KRT24: variants seen among roughly 807,000 people sequenced by gnomAD.
The protein encoded by KRT24 is keratin 24.
Under a neutral mutation model 51.7 loss-of-function variants are expected in KRT24, and 44 were observed. The observed-to-expected ratio is 0.85, with a 90% CI of 0.67 to 1.09. The LOEUF (loss-of-function observed/expected upper bound fraction) is 1.09. KRT24 is among the 50% of genes least tolerant of loss of function. The pLI is 0.00. For missense variants in KRT24, 633 were observed against 647.0 expected, an observed-to-expected ratio of 0.98 and a Z score of 0.24; for synonymous variants, 241 against 249.5, an observed-to-expected ratio of 0.97 and a Z score of 0.32.
intron 6 of KRT24, among the ~76,000 whole-genome samples, chr17:40,699,147 G>T (rs2037643610): frequency 6.6e-6 from 1 of 152,158 alleles, no homozygotes; most frequent in Non-Finnish European, 1.5e-5. Context: ...AAAGTGCCGG[G>T]ATTACAGGCA....
chr17:40,701,360 C>T (rs186535330), intron 2 of KRT24, 64 bp from the exon 3 acceptor site: 298 of 1,383,012 alleles, frequency 2.2e-4, no homozygotes, highest in Admixed American at 1.2e-3. Context: ...TCAAAGGGTA[C>T]CTTCCATTCT....
At position 40,700,286 on chromosome 17, in the gene KRT24, C is replaced by T; in HGVS notation, c.953G>A (p.Arg318Lys). 6.2e-7 allele frequency: 1 copy of T among 1,614,138 alleles called. No individual in the cohort carries two copies. The highest frequency in any genetic ancestry group is 2.2e-5 in the East Asian group (1 of 44,880). The change falls in exon 4 of 8, where the codon AGG becomes AAG. Residue 318 changes from arginine (R) to lysine (K), a missense_variant. Arg to Lys is a conservative substitution (Grantham distance 26). Coordinates refer to ENST00000264651, the MANE Select transcript of KRT24 (RefSeq NM_019016.3). ...TDLTKLLNDM[R>K]AQYEELAEQN... ...CTCAGCCAGCTCCTCGTACTGCGCC[C>T]TCATGTCATTCAGTAATTTGGTCAG...
chr17:40,700,254 G>A lies in KRT24; in HGVS notation c.985C>T (p.Arg329Cys), dbSNP rs961667164. The A allele has an allele frequency of 2.0e-5, 33 of 1,613,996 alleles. No individual in the cohort carries two copies. Among genetic ancestry groups the A allele is most frequent in the Admixed American group, 5.0e-5 (3 of 60,002 alleles). ...TTGAACCGCTCCTCAGCCTCTCGGC[G>A]GTTTTGCTCAGCCAGCTCCTCGTAC... ...AQYEELAEQN[R>C]REAEERFNKQ... The change falls in exon 4 of 8, where the codon CGC (arginine) becomes TGC (cysteine). Residue 329 changes from arginine (R) to cysteine (C), a missense_variant. Coordinates refer to ENST00000264651, the MANE Select transcript of KRT24 (RefSeq NM_019016.3).
chr17:40,701,145 C>T lies in KRT24; in HGVS notation c.850G>A (p.Glu284Lys), dbSNP rs775417089. ...TATGTAGAACATGTTCCTACCTCCT[C>T]GTGGTTCTTCCTCAGGTAGGCTAGC... ...EELAYLRKNHEEEMKNMQGSS... is the reference protein window; with the variant it reads ...EELAYLRKNHKEEMKNMQGSS... The change falls in exon 3 of 8, where the codon GAG (glutamate) becomes AAG (lysine). Residue 284 changes from glutamate (E) to lysine (K), a missense_variant. Coordinates refer to ENST00000264651, the MANE Select transcript of KRT24 (RefSeq NM_019016.3). 1.1e-5 allele frequency: 17 copies of T among 1,613,722 alleles called. No individual in the cohort carries two copies. The highest frequency in any genetic ancestry group is 3.3e-5 in the Admixed American group (2 of 59,988).
At position 40,701,851 on chromosome 17, in the gene KRT24, T is replaced by C. The variant is rs748501287; in HGVS notation, c.698A>G (p.Lys233Arg). The change falls in exon 2 of 8, where the codon AAG becomes AGG. Residue 233 changes from lysine (K) to arginine (R), a missense_variant and splice_region_variant. Transcript: ENST00000264651. ...GTTTTCAAGTCTTTATGTTTCTTAC[T>C]TCAGTCTGAAGTCATCAGCAGCCAA... is the stretch of plus-strand genomic sequence containing the variant. ...ARLAADDFRL[K>R]YENELCLRQS... The C allele has an allele frequency of 1.5e-5, 21 of 1,381,286 alleles. No homozygotes were observed. The Admixed American group carries it at 4.3e-4, about 28-fold the overall frequency. 85.6% of individuals were successfully genotyped at this position (1,381,286 alleles called of 1,614,324 possible).
chr17:40,700,157 G>A (rs1567862185), intron 4 of KRT24, 34 bp from the exon 5 acceptor site: 1 of 1,614,064 alleles, frequency 6.2e-7, no homozygotes, highest in South Asian at 1.1e-5. Context: ...GTTGTAGGCT[G>A]ATGAAAGGAG....
rs1168868880 is a variant in KRT24 at position 40,699,428 on chromosome 17, C to T, written c.1361+16G>A. Reference sequence around the variant, plus strand: ...ACTAAGGTATGCATTTTAGTTTGTTCATGACTTTGGTTTACCCTCCCTCTC... The same window carrying T: ...ACTAAGGTATGCATTTTAGTTTGTTTATGACTTTGGTTTACCCTCCCTCTC... On this transcript the variant is annotated intron_variant, in intron 6 of 7. Transcript: ENST00000264651. 1 of 1,607,556 alleles carries T rather than the reference C, an allele frequency of 6.2e-7. No homozygotes were observed. The highest frequency in any genetic ancestry group is 8.5e-7 in the Non-Finnish European group (1 of 1,174,100).
intron 2 of KRT24, 22 bp from the exon 3 acceptor site, chr17:40,701,318 CA>C (rs758183429): frequency 1.9e-6 from 3 of 1,598,344 alleles, no homozygotes; most frequent in Non-Finnish European, 8.5e-7. Context: ...AGCAGTAAGG[CA>C]AAAAATACTG....
chr17:40,699,537 C>T lies in KRT24; in HGVS notation c.1268G>A (p.Cys423Tyr), dbSNP rs1352437207. 6.2e-7 allele frequency: 1 copy of T among 1,613,964 alleles called. No homozygotes were observed. Among genetic ancestry groups the T allele is most frequent in the African/African-American group, 1.3e-5 (1 of 75,040 alleles). Residue 423 changes from cysteine (C) to tyrosine (Y), a missense_variant, in exon 6 of 8, where the codon TGC (cysteine) becomes TAC (tyrosine). Cys to Tyr is a radical substitution (Grantham distance 194). Coordinates refer to ENST00000264651, the MANE Select transcript of KRT24 (RefSeq NM_019016.3). ...EICQIWGETK[C>Y]QNAEYKQLLD... is the part of the protein sequence containing the mutation. ...CAATTGCTTGTACTCTGCGTTCTGG[C>T]ATTTAGTCTCACCCCAGATCTGGCA...
intron 2 of KRT24, 31 bp downstream of exon 2, chr17:40,701,820 A>C (rs1033180516): frequency 2.2e-6 from 2 of 891,554 alleles, no homozygotes; most frequent in African/African-American, 3.6e-5. Flanking sequence ...TTCTCCCGTA[A>C]CACTTGTTTT....
At chr17:40,702,209 G>A (rs144081472) in intron 1 of KRT24, among the ~76,000 whole-genome samples, 169 of 151,830 alleles carry the variant, frequency 1.1e-3, no homozygotes, top group Middle Eastern at 6.8e-3. Context: ...TTTTTTTTGT[G>A]TGTGTGTTTT....
intron 3 of KRT24, 48 bp from the exon 4 acceptor site, chr17:40,700,431 G>A: frequency 1.4e-6 from 2 of 1,461,978 alleles, no homozygotes; most frequent in South Asian, 1.2e-5. Flanking sequence ...GAAAAGTGAT[G>A]ACTTCCGAAA....
chr17:40,700,427 T>C (rs60488918), intron 3 of KRT24, 44 bp from the exon 4 acceptor site: 15,647 of 1,492,020 alleles, frequency 0.01, 134 homozygotes, highest in African/African-American at 0.032. Flanking sequence ...AACAGAAAAG[T>C]GATGACTTCC....
intron 3 of KRT24, 126 bp downstream of exon 3, chr17:40,701,014 C>T (rs986396214): frequency 4.1e-5 from 35 of 860,170 alleles, no homozygotes; most frequent in Non-Finnish European, 5.7e-5. Flanking sequence ...CCCCCTGCCT[C>T]GGCCTCCAGA....
chr17:40,700,482 AGG>A, intron 3 of KRT24, 99 bp from the exon 4 acceptor site: 2 of 834,680 alleles, frequency 2.4e-6, no homozygotes, highest in African/African-American at 3.5e-5. Context: ...GGACACTGAA[AGG>A]AAAAAAAAAA....
intron 1 of KRT24, 59 bp from the exon 2 acceptor site, chr17:40,701,992 C>A: frequency 1.2e-6 from 1 of 859,772 alleles, no homozygotes; most frequent in Non-Finnish European, 1.8e-6. Context: ...TGTCTGCATG[C>A]CTACTTGTAA....
chr17:40,703,511 C>G lies in KRT24; in HGVS notation c.183G>C (p.Gly61=), dbSNP rs149314068. The G allele has an allele frequency of 7.4e-7, 1 of 1,351,432 alleles. No individual in the cohort carries two copies. The highest frequency in any genetic ancestry group is 2.0e-5 in the Admixed American group (1 of 48,930). The allele number at this position is 1,351,432 out of a possible 1,614,324, so 83.7% of individuals were successfully genotyped here. The change falls in exon 1 of 8, where the codon GGG becomes GGC. Residue 61 remains glycine, a synonymous_variant. Coordinates refer to ENST00000264651, the MANE Select transcript of KRT24 (RefSeq NM_019016.3). ...TACCAAAGCCCCCTCCAAAGCTGCC[C>G]CCAAAAGCACCGCTAGACCCCCCAC... The part of the protein sequence containing the change: ...SLSGGSSGAF[G]GSFGGGFGSC...
In KRT24 at chr17:40,698,615, G is replaced by A; in HGVS notation, c.1397C>T (p.Ser466Leu). Residue 466 changes from serine (S) to leucine (L), a missense_variant, in exon 7 of 8, where the codon TCA (serine) becomes TTA (leucine). Transcript: ENST00000264651. ...SSFAEFGGRNSGSVNMGSRDL... is the reference protein window; with the variant it reads ...SSFAEFGGRNLGSVNMGSRDL... Reference sequence around the variant, plus strand: ...CCTGGATCCCATGTTTACAGATCCTGAGTTTCTACCACCAAATTCTGCAAA... The same window carrying A: ...CCTGGATCCCATGTTTACAGATCCTAAGTTTCTACCACCAAATTCTGCAAA... 1 of 1,610,654 alleles carries A rather than the reference G, an allele frequency of 6.2e-7. No individual in the cohort carries two copies. Among genetic ancestry groups the A allele is most frequent in the South Asian group, 1.1e-5 (1 of 90,940 alleles).
chr17:40,699,327 G>T, intron 6 of KRT24, 117 bp downstream of exon 6: 2 of 792,534 alleles, frequency 2.5e-6, no homozygotes, highest in Non-Finnish European at 4.3e-6. Flanking sequence ...CACGCAGCCT[G>T]TGTCTGTTAC....
Sources: gnomAD v4.1 joint callset for allele counts (sites outside exome capture counted in the v4.1 genomes callset) on GRCh38, gnomAD v4.1.1 for gene constraint, MANE v1.5 for transcripts, NCBI Gene and HGNC (gene_info 2026-07-23, HGNC 2026-07-21) for gene names.